The following SLC25A13 variants were observed in gnomAD, a reference collection of about 807,000 sequenced individuals.
The protein encoded by SLC25A13 is electrogenic aspartate/glutamate antiporter SLC25A13, mitochondrial.
Under a neutral mutation model 85.5 loss-of-function variants are expected in SLC25A13, and 70 were observed. The ratio of observed to expected loss-of-function variants is 0.82; its 90% CI spans 0.68 to 1.00. SLC25A13 has a LOEUF of 1.00. SLC25A13 is among the 50% of genes least tolerant of loss of function. The pLI is 0.00. For synonymous variants in SLC25A13, 259 were observed against 288.7 expected (o/e 0.90, Z 1.04); for missense variants, 765 against 819.8 (o/e 0.93, Z 0.82).
At chr7:96,172,759 CA>C (rs1189979264) in intron 11 of SLC25A13, among the ~76,000 whole-genome samples, 1 of 151,700 alleles carries the variant, frequency 6.6e-6, no homozygotes, top group Non-Finnish European at 1.5e-5. Flanking sequence ...GGACAAGCGC[CA>C]GTTTGTATTT....
At chr7:96,177,271 G>A (rs1219836068) in intron 11 of SLC25A13, among the ~76,000 whole-genome samples, 1 of 152,188 alleles carries the variant, frequency 6.6e-6, no homozygotes, top group Non-Finnish European at 1.5e-5. Flanking sequence ...GTCTGGAAGT[G>A]TCCAGGGGCC....
intron 15 of SLC25A13, among the ~76,000 whole-genome samples, chr7:96,127,009 C>T (rs1791756890): frequency 6.6e-6 from 1 of 152,226 alleles, no homozygotes; most frequent in African/African-American, 2.4e-5. Flanking sequence ...CACACTTCCA[C>T]TTCTGTGTAC....
chr7:96,251,160 G>C (rs1199918519), intron 3 of SLC25A13, among the ~76,000 whole-genome samples: 1 of 152,152 alleles, frequency 6.6e-6, no homozygotes, highest in Non-Finnish European at 1.5e-5. Flanking sequence ...AGAAGGAAGA[G>C]GAAGTACAAG....
chr7:96,300,247 TA>T (rs898046435), intron 1 of SLC25A13, among the ~76,000 whole-genome samples: 10 of 150,392 alleles, frequency 6.6e-5, no homozygotes, highest in Admixed American at 3.3e-4. Context: ...CCATCTTCAT[TA>T]AAAAAAAAGA....
chr7:96,137,215 G>A (rs1268000338), intron 14 of SLC25A13, among the ~76,000 whole-genome samples: 1 of 152,176 alleles, frequency 6.6e-6, no homozygotes, highest in African/African-American at 2.4e-5. Context: ...TAGCAATGGT[G>A]CCAAGACCTA....
intron 1 of SLC25A13, among the ~76,000 whole-genome samples, chr7:96,301,534 A>G (rs1799547667): frequency 6.6e-6 from 1 of 152,208 alleles, no homozygotes; most frequent in South Asian, 2.1e-4. Context: ...ATTACTATGA[A>G]ATATTATTTG....
At chr7:96,163,437 A>G (rs1793596723) in intron 13 of SLC25A13, among the ~76,000 whole-genome samples, 1 of 152,174 alleles carries the variant, frequency 6.6e-6, no homozygotes, top group South Asian at 2.1e-4. Flanking sequence ...CTAGCCCATA[A>G]CCATATAAGG....
intron 4 of SLC25A13, among the ~76,000 whole-genome samples, chr7:96,228,943 G>A (rs1423097773): frequency 1.2e-4 from 18 of 152,134 alleles, no homozygotes; most frequent in South Asian, 4.1e-4. Context: ...GCTGACTCCC[G>A]GCGGGGCAGG....
chr7:96,240,982 A>AGGGGAGGGGAGGGG (rs1175218037), intron 3 of SLC25A13, among the ~76,000 whole-genome samples: 1 of 44,188 alleles, frequency 2.3e-5, no homozygotes, highest in Non-Finnish European at 4.0e-5. Flanking sequence ...AGGAGAGGAG[A>AGGGGAGGGGAGGGG]GGGGAGGGGA....
In SLC25A13 at chr7:96,177,611, G is replaced by A. The variant is rs527247033; in HGVS notation, c.1178-6087C>T. 3.1e-3 allele frequency among the ~76,000 whole-genome samples: 479 copies of A among 152,302 alleles called. 2 individuals are homozygous for A. The highest frequency in any genetic ancestry group is 4.1e-3 in the Non-Finnish European group (282 of 68,026). ...ATGATGCCATTTTCACGGGGTAGTC[G>A]TGAAGATGAAATGAGTTAACACTCA... On this transcript the variant is annotated intron_variant, in intron 11 of 17. Coordinates refer to ENST00000265631, the MANE Select transcript of SLC25A13 (RefSeq NM_014251.3).
intron 3 of SLC25A13, among the ~76,000 whole-genome samples, chr7:96,253,070 G>T (rs1019873176): frequency 2.6e-5 from 4 of 152,190 alleles, no homozygotes; most frequent in Non-Finnish European, 4.4e-5. Flanking sequence ...CTCCAGCCTG[G>T]CTAACAGAGC....
intron 13 of SLC25A13, among the ~76,000 whole-genome samples, chr7:96,149,063 T>G (rs1163144483): frequency 2.6e-5 from 4 of 152,220 alleles, no homozygotes; most frequent in Admixed American, 2.6e-4. Flanking sequence ...CCTGACAGTT[T>G]AATAAGAATT....
intron 13 of SLC25A13, among the ~76,000 whole-genome samples, chr7:96,153,498 A>C (rs115803686): frequency 0.015 from 2,233 of 152,356 alleles, 56 homozygotes; most frequent in African/African-American, 0.051. Flanking sequence ...CCATGTGTTT[A>C]AACAGGGCTT....
rs574876498 is a variant in SLC25A13, at chr7:96,317,096, G to A, written c.15+4846C>T. 1.2e-4 allele frequency among the ~76,000 whole-genome samples: 19 copies of A among 152,106 alleles called. No individual in the cohort carries two copies. In the South Asian group the frequency reaches 3.7e-3, roughly 30 times the overall value. ...GCAAATTCCCCTACCTCAGCCTCCC[G>A]AGCAGCTGAGATTACAAGAATGCAC... On this transcript the variant is annotated intron_variant, in intron 1 of 17. Transcript: ENST00000265631.
chr7:96,309,222 G>A (rs1271023842), intron 1 of SLC25A13, among the ~76,000 whole-genome samples: 1 of 152,196 alleles, frequency 6.6e-6, no homozygotes, highest in Non-Finnish European at 1.5e-5. Flanking sequence ...CAGCAGCAAT[G>A]GAACACATTG....
At chr7:96,294,470 G>A (rs1029246865) in intron 2 of SLC25A13, among the ~76,000 whole-genome samples, 7 of 151,900 alleles carry the variant, frequency 4.6e-5, no homozygotes, top group African/African-American at 7.3e-5. Flanking sequence ...TTAACTAGGC[G>A]TGGTGGTACA....
At chr7:96,184,713 A>G in intron 10 of SLC25A13, 2 of 634,574 alleles carry the variant, frequency 3.2e-6, no homozygotes, top group South Asian at 2.0e-5. Context: ...CCTGATCTGT[A>G]GATAGAGGAA....
chr7:96,155,904 G>A (rs1793244087), intron 13 of SLC25A13, among the ~76,000 whole-genome samples: 1 of 152,228 alleles, frequency 6.6e-6, no homozygotes, highest in African/African-American at 2.4e-5. Flanking sequence ...CTTCAAGGTA[G>A]TAAAAGAATG....
intron 5 of SLC25A13, among the ~76,000 whole-genome samples, chr7:96,208,094 G>A (rs1795527139): frequency 6.6e-6 from 1 of 152,146 alleles, no homozygotes; most frequent in Non-Finnish European, 1.5e-5. Context: ...ATCTATAAAA[G>A]GTGTCAGATG....
Sources: gnomAD v4.1 joint callset for allele counts (sites outside exome capture counted in the v4.1 genomes callset) on GRCh38, gnomAD v4.1.1 for gene constraint, MANE v1.5 for transcripts, NCBI Gene and HGNC (gene_info 2026-07-23, HGNC 2026-07-21) for gene names.